The following AKAP7 variants were observed in gnomAD, a reference collection of about 807,000 sequenced individuals.
The protein encoded by AKAP7 is A kinase (PRKA) anchor protein 7.
A neutral mutation model predicts 39.5 loss-of-function variants in AKAP7; 39 were observed. The ratio of observed to expected loss-of-function variants is 0.99; its 90% CI spans 0.76 to 1.29. The LOEUF (loss-of-function observed/expected upper bound fraction) is 1.29. Ranked by LOEUF, AKAP7 falls within the 50% of genes most tolerant of loss-of-function variation. The pLI is 0.00. For missense variants in AKAP7, 414 were observed against 407.7 expected (o/e 1.02, Z -0.13); for synonymous variants, 140 against 139.1 (o/e 1.01, Z -0.05).
At chr6:131,193,480 G>A (rs1048248882) in intron 5 of AKAP7, among the ~76,000 whole-genome samples, 1 of 151,688 alleles carries the variant, frequency 6.6e-6, no homozygotes, top group Non-Finnish European at 1.5e-5. Context: ...AGTGATTTTT[G>A]CATCAATGTT....
chr6:131,254,888 G>T (rs1038424140), intron 7 of AKAP7, among the ~76,000 whole-genome samples: 1 of 152,124 alleles, frequency 6.6e-6, no homozygotes, highest in Non-Finnish European at 1.5e-5. Context: ...ACCATTTATA[G>T]TACTCATTTT....
At chr6:131,220,698 G>A (rs922142831) in intron 7 of AKAP7, among the ~76,000 whole-genome samples, 1 of 152,076 alleles carries the variant, frequency 6.6e-6, no homozygotes, top group Non-Finnish European at 1.5e-5. Context: ...TGTATCAATT[G>A]TCTTTCTGGG....
intron 7 of AKAP7, among the ~76,000 whole-genome samples, chr6:131,233,782 G>A (rs1378333809): frequency 6.6e-6 from 1 of 152,108 alleles, no homozygotes; most frequent in African/African-American, 2.4e-5. Context: ...TCATTTATGA[G>A]GTTATCTAAT....
At chr6:131,209,351 C>T (rs890731248) in intron 6 of AKAP7, among the ~76,000 whole-genome samples, 6 of 151,966 alleles carry the variant, frequency 3.9e-5, no homozygotes, top group Admixed American at 2.0e-4. Flanking sequence ...CCTGGGTTCA[C>T]GCCATTCTCC....
intron 5 of AKAP7, among the ~76,000 whole-genome samples, chr6:131,177,626 G>A (rs1212964943): frequency 6.6e-6 from 1 of 152,164 alleles, no homozygotes; most frequent in East Asian, 1.9e-4. Flanking sequence ...TTCAACATGA[G>A]TTTTGGTGGG....
intron 5 of AKAP7, among the ~76,000 whole-genome samples, chr6:131,183,918 C>T (rs1205050370): frequency 1.3e-5 from 2 of 152,094 alleles, no homozygotes; most frequent in South Asian, 2.1e-4. Flanking sequence ...TGGCCTGGCT[C>T]GCCTCTGGGG....
At chr6:131,199,842 C>A in intron 6 of AKAP7, 1 of 403,444 alleles carries the variant, frequency 2.5e-6, no homozygotes, top group South Asian at 2.8e-5. Flanking sequence ...CCTGCTTCAT[C>A]CCCTGAAGAG....
Position 131,281,237 on chromosome 6 carries a change from A to G in AKAP7, c.851-293A>G, listed in dbSNP as rs139989168. ...GACATGGACGTTAGTAGTAGTAATTAGCCTTGGATGAGAGAAGAACAGAAA... is the reference window on the plus strand; with the variant it reads ...GACATGGACGTTAGTAGTAGTAATTGGCCTTGGATGAGAGAAGAACAGAAA... On this transcript the variant is annotated intron_variant, in intron 7 of 7. Coordinates refer to ENST00000431975, the MANE Select transcript of AKAP7 (RefSeq NM_016377.4). This position sits in a 1 kb window ranked among gnomAD's most constrained non-coding sequence, Gnocchi z 4.0. Among the ~76,000 whole-genome samples, 781 of 152,328 alleles carry G rather than the reference A, an allele frequency of 5.1e-3. 7 individuals are homozygous for G. Among genetic ancestry groups the G allele is most frequent in the African/African-American group, 0.018 (734 of 41,568 alleles).
At chr6:131,220,509 C>T (rs1809604940) in intron 7 of AKAP7, among the ~76,000 whole-genome samples, 2 of 152,316 alleles carry the variant, frequency 1.3e-5, no homozygotes, top group South Asian at 4.1e-4. Context: ...TCTTTTAAAA[C>T]TGTGAACTTC....
chr6:131,232,709 C>T lies in AKAP7; in HGVS notation c.850+12901C>T, dbSNP rs372429706. ...TTGGGAGGCTGAGGCAGGAGAATTGCTTGAACCTGGGAGGCAGAGGTTGCA... is the reference window on the plus strand; with the variant it reads ...TTGGGAGGCTGAGGCAGGAGAATTGTTTGAACCTGGGAGGCAGAGGTTGCA... On this transcript the variant is annotated intron_variant, in intron 7 of 7. Transcript: ENST00000431975. Among the ~76,000 whole-genome samples the T allele has an allele frequency of 2.1e-3, 312 of 152,144 alleles. 1 individual carries two copies. The highest frequency in any genetic ancestry group is 6.0e-3 in the African/African-American group (250 of 41,494).
intron 3 of AKAP7, chr6:131,164,312 A>G: frequency 6.6e-6 from 3 of 452,574 alleles, no homozygotes; most frequent in South Asian, 4.7e-5. Flanking sequence ...ACTACTTTCA[A>G]ATGTACTCAC....
intron 5 of AKAP7, among the ~76,000 whole-genome samples, chr6:131,170,792 T>C (rs1318984067): frequency 1.3e-5 from 2 of 152,230 alleles, no homozygotes; most frequent in Non-Finnish European, 1.5e-5. Context: ...ACAGATTAAT[T>C]GTTAGAATGA....
At chr6:131,254,128 CTG>C (rs142236127) in intron 7 of AKAP7, among the ~76,000 whole-genome samples, 2,894 of 152,260 alleles carry the variant, frequency 0.019, 86 homozygotes, top group African/African-American at 0.064. Flanking sequence ...TTTTTCCAAA[CTG>C]TATTTTTCAC....
At chr6:131,161,447 C>A (rs773165380) in intron 3 of AKAP7, among the ~76,000 whole-genome samples, 6 of 151,452 alleles carry the variant, frequency 4.0e-5, no homozygotes, top group Non-Finnish European at 7.4e-5. Flanking sequence ...GAGTTTGAGA[C>A]CAGCCTGGGC....
intron 7 of AKAP7, among the ~76,000 whole-genome samples, chr6:131,241,637 A>ATG (rs1811631123): frequency 5.1e-5 from 4 of 78,812 alleles, no homozygotes; most frequent in Non-Finnish European, 1.2e-4. Context: ...GTATATATAT[A>ATG]TGACAGTTAT....
intron 7 of AKAP7, among the ~76,000 whole-genome samples, chr6:131,267,909 G>A (rs1323001260): frequency 6.6e-6 from 1 of 152,148 alleles, no homozygotes; most frequent in Non-Finnish European, 1.5e-5. Context: ...CTAAGGCAGG[G>A]CCCATGTCAG....
intron 6 of AKAP7, among the ~76,000 whole-genome samples, chr6:131,202,275 A>G (rs527725956): frequency 1.5e-3 from 223 of 146,288 alleles, no homozygotes; most frequent in African/African-American, 5.1e-3. Context: ...TACCCAAAGG[A>G]CTATAAATCA....
At chr6:131,192,174 C>T (rs1806474679) in intron 5 of AKAP7, among the ~76,000 whole-genome samples, 1 of 152,082 alleles carries the variant, frequency 6.6e-6, no homozygotes, top group African/African-American at 2.4e-5. Flanking sequence ...CAGACCAATG[C>T]CCTGGAGAGT....
intron 5 of AKAP7, among the ~76,000 whole-genome samples, chr6:131,186,793 A>C (rs1429256231): frequency 6.8e-6 from 1 of 147,334 alleles, no homozygotes; most frequent in Non-Finnish European, 1.5e-5. Context: ...AAGGACAGTA[A>C]TCCCATTAAT....
Sources: allele counts gnomAD v4.1 joint callset (sites outside exome capture counted in the v4.1 genomes callset), GRCh38; gene constraint gnomAD v4.1.1; non-coding constraint Gnocchi (gnomAD v3.1); transcripts MANE v1.5; gene names NCBI Gene and HGNC (gene_info 2026-07-23, HGNC 2026-07-21).